Variants in DAB1 observed in about 807,000 individuals in gnomAD.
DAB1 encodes the protein DAB adaptor protein 1, also known as disabled homolog 1.
A neutral mutation model predicts 64.6 loss-of-function variants in DAB1; 15 were observed. The observed-to-expected ratio is 0.23, with a 90% CI of 0.16 to 0.36. The LOEUF is 0.36. DAB1 is among the 10% of genes least tolerant of loss of function. DAB1 has a pLI of 1.00. For synonymous variants in DAB1, 235 were observed against 251.9 expected (o/e 0.93, Z 0.64); for missense variants, 596 against 706.7 (o/e 0.84, Z 1.78).
At chr1:58,386,976 C>G (rs561813454) in intron 3 of DAB1, among the ~76,000 whole-genome samples, 2 of 152,166 alleles carry the variant, frequency 1.3e-5, no homozygotes, top group South Asian at 2.1e-4. Flanking sequence ...AGGAGAATCG[C>G]TTGAATCCGG....
chr1:57,232,421 AT>A (rs1392793826), intron 2 of DAB1, among the ~76,000 whole-genome samples: 1 of 151,768 alleles, frequency 6.6e-6, no homozygotes, highest in Non-Finnish European at 1.5e-5. Flanking sequence ...TTCAACATAT[AT>A]TTACTATGCA....
At chr1:57,224,115 G>C (rs1026879032) in intron 2 of DAB1, among the ~76,000 whole-genome samples, 1 of 152,130 alleles carries the variant, frequency 6.6e-6, no homozygotes, top group African/African-American at 2.4e-5. Flanking sequence ...TAACTGGCAG[G>C]CACCATATCA....
intron 7 of DAB1, among the ~76,000 whole-genome samples, chr1:57,562,420 T>G (rs1185282139): frequency 6.6e-6 from 1 of 152,206 alleles, no homozygotes; most frequent in Non-Finnish European, 1.5e-5. Flanking sequence ...CTCATGCTCA[T>G]GGAATTTACA....
intron 3 of DAB1, among the ~76,000 whole-genome samples, chr1:58,501,400 A>G (rs1437806377): frequency 6.6e-6 from 1 of 152,208 alleles, no homozygotes; most frequent in African/African-American, 2.4e-5. Context: ...ATTTTCAAAC[A>G]TAAGTGACCT....
chr1:57,590,785 C>T (rs1003088745), intron 7 of DAB1, among the ~76,000 whole-genome samples: 4 of 144,206 alleles, frequency 2.8e-5, no homozygotes, highest in Non-Finnish European at 6.2e-5. Context: ...CACACACACC[C>T]CACTCACATA....
Position 57,990,066 on chromosome 1 carries a change from C to T in DAB1, n.388-105904G>A, listed in dbSNP as rs144937224. On this transcript the variant is annotated intron_variant and non_coding_transcript_variant, in intron 5 of 20. Coordinates refer to the DAB1 transcript ENST00000485760. ...GCCAAGCTGCAAGGCACCCTGGGAA[C>T]CCATCACTGAAAGACTGCAGAGGGA... Among the ~76,000 whole-genome samples the T allele has an allele frequency of 1.5e-3, 223 of 152,208 alleles. 1 individual carries two copies. The highest frequency in any genetic ancestry group is 5.2e-3 in the African/African-American group (214 of 41,526).
intron 4 of DAB1, among the ~76,000 whole-genome samples, chr1:58,202,872 T>C (rs1451673361): frequency 1.3e-5 from 2 of 152,200 alleles, no homozygotes; most frequent in Non-Finnish European, 2.9e-5. Context: ...AAAACATCTG[T>C]TTGATTAAAC....
At chr1:58,130,826 C>A (rs965768250) in intron 5 of DAB1, among the ~76,000 whole-genome samples, 2 of 152,132 alleles carry the variant, frequency 1.3e-5, no homozygotes, top group East Asian at 1.9e-4. Flanking sequence ...CCGAGAGATC[C>A]GCCGTTAGTC....
At chr1:57,424,392 G>A (rs1435681248), upstream of DAB1, among the ~76,000 whole-genome samples, 1 of 151,796 alleles carries the variant, frequency 6.6e-6, no homozygotes, top group Non-Finnish European at 1.5e-5. Context: ...CGCCTCTGGA[G>A]CCCCTGCACT....
At chr1:57,306,513 CTTTTTTTTTT>C (rs1166241090) in intron 1 of DAB1, among the ~76,000 whole-genome samples, 4 of 114,326 alleles carry the variant, frequency 3.5e-5, no homozygotes, top group Middle Eastern at 5.3e-3. Context: ...TTAGAACAGG[CTTTTTTTTTT>C]TTTTTTTTTT....
At chr1:58,390,892 T>C (rs1266935549) in intron 3 of DAB1, among the ~76,000 whole-genome samples, 1 of 152,164 alleles carries the variant, frequency 6.6e-6, no homozygotes, top group Non-Finnish European at 1.5e-5. Flanking sequence ...GCAGTGGGAA[T>C]CACCAGTGGT....
intron 7 of DAB1, among the ~76,000 whole-genome samples, chr1:57,431,158 G>GA (rs1034614258): frequency 8.2e-6 from 1 of 121,592 alleles, no homozygotes; most frequent in African/African-American, 3.7e-5. Flanking sequence ...AAAAAAAAAA[G>GA]AAAAACAAAA....
chr1:57,280,373 G>C (rs1018904174), intron 2 of DAB1, among the ~76,000 whole-genome samples: 3 of 152,136 alleles, frequency 2.0e-5, no homozygotes, highest in African/African-American at 7.2e-5. Context: ...TGTTGCAATA[G>C]GAGATTGCTG....
At chr1:58,219,869 T>C (rs952271866) in intron 4 of DAB1, among the ~76,000 whole-genome samples, 2 of 152,240 alleles carry the variant, frequency 1.3e-5, no homozygotes, top group African/African-American at 4.8e-5. Flanking sequence ...GAAAGCTCCC[T>C]GAGGGCCAGG....
intron 4 of DAB1, among the ~76,000 whole-genome samples, chr1:58,235,262 T>C (rs1442228555): frequency 2.6e-5 from 4 of 152,232 alleles, no homozygotes; most frequent in African/African-American, 4.8e-5. Context: ...TTTACAGCAA[T>C]GGAAACTGGA....
chr1:57,574,281 G>C (rs1172435905), intron 7 of DAB1, among the ~76,000 whole-genome samples: 1 of 152,126 alleles, frequency 6.6e-6, no homozygotes, highest in Non-Finnish European at 1.5e-5. Context: ...TGGAGGATTT[G>C]TGGGAGGTAC....
chr1:57,699,696 C>T (rs1223425651), intron 6 of DAB1, among the ~76,000 whole-genome samples: 6 of 152,100 alleles, frequency 3.9e-5, no homozygotes, highest in South Asian at 2.1e-4. Flanking sequence ...AGGCAGATCA[C>T]GAGGTCAAAA....
At chr1:57,770,639 C>T (rs1649517445) in intron 6 of DAB1, among the ~76,000 whole-genome samples, 1 of 151,928 alleles carries the variant, frequency 6.6e-6, no homozygotes. Context: ...TTAAGGATAA[C>T]TCAAAAATCA....
intron 2 of DAB1, among the ~76,000 whole-genome samples, chr1:57,249,476 A>G (rs1570048095): frequency 6.6e-6 from 1 of 152,242 alleles, no homozygotes; most frequent in Non-Finnish European, 1.5e-5. Flanking sequence ...GCCTCAAGCA[A>G]TCTTCCCACC....
Sources: allele counts gnomAD v4.1 joint callset (sites outside exome capture counted in the v4.1 genomes callset), GRCh38; gene constraint gnomAD v4.1.1; transcripts MANE v1.5; gene names NCBI Gene and HGNC (gene_info 2026-07-23, HGNC 2026-07-21).